The following SCML2 variants were observed in gnomAD, a reference collection of about 807,000 sequenced individuals.
SCML2 encodes Scm polycomb group protein like 2, also known as sex comb on midleg-like protein 2.
In SCML2, 6 loss-of-function variants were observed where a neutral mutation model predicts 48.4. The observed-to-expected ratio is 0.12, with a 90% confidence interval of 0.07 to 0.24. The LOEUF (loss-of-function observed/expected upper bound fraction) is 0.24, where lower values mean the gene tolerates loss of function less well. SCML2 is among the 10% of genes least tolerant of loss of function. SCML2 has a pLI of 1.00. For missense variants in SCML2, 377 were observed against 528.2 expected (o/e 0.71, Z 2.81); for synonymous variants, 181 against 189.5 (o/e 0.95, Z 0.37).
At chrX:18,301,014 A>G (rs891057526) in intron 7 of SCML2, among the ~76,000 whole-genome samples, 2 of 111,811 alleles carry the variant, frequency 1.8e-5, no homozygotes, top group Non-Finnish European at 3.8e-5. Context: ...GAAGTCTGTA[A>G]GGGAAAAAAA....
At chrX:18,268,105 T>C (rs1043027465) in intron 7 of SCML2, among the ~76,000 whole-genome samples, 1 of 112,559 alleles carries the variant, frequency 8.9e-6, no homozygotes, top group Non-Finnish European at 1.9e-5. Flanking sequence ...TTTCCAAGTA[T>C]GTTTCCATGG....
chrX:18,320,610 G>C (rs1929284185), intron 5 of SCML2, among the ~76,000 whole-genome samples, 190 bp from the exon 6 acceptor site: 1 of 111,408 alleles, frequency 9.0e-6, no homozygotes, highest in Non-Finnish European at 1.9e-5. Flanking sequence ...TGTACTGTCT[G>C]GCAACAATGC....
At chrX:18,249,828 A>G (rs1293125130) in intron 11 of SCML2, among the ~76,000 whole-genome samples, 6 of 111,302 alleles carry the variant, frequency 5.4e-5, no homozygotes, top group African/African-American at 2.0e-4. Context: ...CTCTTGGAGC[A>G]CTGAAGTTAT....
chrX:18,291,174 G>T (rs1432280604), intron 7 of SCML2, among the ~76,000 whole-genome samples: 4 of 112,021 alleles, frequency 3.6e-5, no homozygotes, highest in Non-Finnish European at 5.6e-5. Context: ...CAGCACATAT[G>T]TTCCTTTCCT....
chrX:18,250,960 G>A (rs1463836933), intron 11 of SCML2, among the ~76,000 whole-genome samples: 1 of 110,112 alleles, frequency 9.1e-6, no homozygotes, highest in Non-Finnish European at 1.9e-5. Flanking sequence ...AAGGGGGGAA[G>A]CCCCTTATAA....
chrX:18,274,620 T>C (rs1927569029), intron 7 of SCML2, among the ~76,000 whole-genome samples: 1 of 111,995 alleles, frequency 8.9e-6, no homozygotes, highest in African/African-American at 3.2e-5. Context: ...TAAGGCCCTC[T>C]ACTATCTGCC....
chrX:18,254,613 A>T (rs1208844290), intron 11 of SCML2, among the ~76,000 whole-genome samples: 1 of 112,246 alleles, frequency 8.9e-6, no homozygotes, highest in East Asian at 2.8e-4. Flanking sequence ...TGGCATTCTT[A>T]ATGCTTTGTG....
chrX:18,345,250 G>A (rs936369321), intron 1 of SCML2, among the ~76,000 whole-genome samples: 4 of 111,192 alleles, frequency 3.6e-5, no homozygotes, highest in African/African-American at 9.8e-5. Context: ...ATCACATCTC[G>A]TTCTTCTTTA....
At chrX:18,293,380 C>T (rs775313800) in intron 7 of SCML2, among the ~76,000 whole-genome samples, 6 of 111,117 alleles carry the variant, frequency 5.4e-5, no homozygotes, top group Admixed American at 9.6e-5. Flanking sequence ...TTTGGGTGAA[C>T]GCCAACTACA....
intron 11 of SCML2, among the ~76,000 whole-genome samples, chrX:18,250,483 GCCATTCTCCTGCCTCAGCCTC>G (rs1227074137): frequency 2.8e-5 from 3 of 109,026 alleles, no homozygotes; most frequent in Non-Finnish European, 5.7e-5. Context: ...CCGGGTTCAT[GCCATTCTCCTGCCTCAGCCTC>G]CCGAGTAGCT....
chrX:18,306,671 C>G (rs1928768142), intron 6 of SCML2, among the ~76,000 whole-genome samples: 1 of 111,480 alleles, frequency 9.0e-6, no homozygotes, highest in Non-Finnish European at 1.9e-5. Context: ...ATTCTCTCAT[C>G]AATTTAAAAA....
intron 6 of SCML2, among the ~76,000 whole-genome samples, chrX:18,317,452 T>C (rs1428747146): frequency 2.7e-5 from 3 of 111,689 alleles, no homozygotes; most frequent in Non-Finnish European, 3.8e-5. Context: ...TTTCCAAAAC[T>C]GTTAGGAGAA....
intron 11 of SCML2, among the ~76,000 whole-genome samples, chrX:18,256,498 A>G (rs143603184): frequency 2.0e-3 from 218 of 111,492 alleles, no homozygotes; most frequent in Middle Eastern, 4.6e-3. Context: ...AACCTCAATG[A>G]CAACAAAATT....
At chrX:18,278,395 G>A (rs142349597) in intron 7 of SCML2, among the ~76,000 whole-genome samples, 1,851 of 111,569 alleles carry the variant, frequency 0.017, 39 homozygotes, top group African/African-American at 0.057. Context: ...CTCTGGCCAC[G>A]GACCTCTGTG....
chrX:18,301,637 G>GT (rs1261231739), intron 7 of SCML2, among the ~76,000 whole-genome samples: 1 of 110,508 alleles, frequency 9.0e-6, no homozygotes, highest in East Asian at 2.9e-4. Context: ...GCCTGGGATG[G>GT]TAACACGTGC....
At position 18,257,040 on chromosome X, in the gene SCML2, G is replaced by GAA; in HGVS notation, c.1274-12_1274-11dup. On this transcript the variant is annotated splice_polypyrimidine_tract_variant and intron_variant, in intron 10 of 14. Transcript: ENST00000251900. ...TCCCCATCAAAGGAGGCTATTGGGGGAAAAAAAAGGATGTCAGTAACCTCA... is the reference window on the plus strand; with the variant it reads ...TCCCCATCAAAGGAGGCTATTGGGGGAAAAAAAAAAGGATGTCAGTAACCTCA... The GAA allele has an allele frequency of 9.0e-7, 1 of 1,105,194 alleles. No homozygotes were observed. The highest frequency in any genetic ancestry group is 3.0e-5 in the Admixed American group (1 of 33,275). 91.1% of individuals were successfully genotyped at this position (1,105,194 alleles called of 1,213,427 possible). A position where few individuals can be genotyped will look rare whatever the true frequency, so the allele number is the denominator to read the frequency against.
chrX:18,325,918 A>G (rs1441411925), intron 3 of SCML2, among the ~76,000 whole-genome samples: 1 of 112,447 alleles, frequency 8.9e-6, no homozygotes, highest in African/African-American at 3.2e-5. Flanking sequence ...TTCAAAAGAT[A>G]TTATACTTAG....
chrX:18,276,163 T>G (rs1378009774), intron 7 of SCML2, among the ~76,000 whole-genome samples: 1 of 111,049 alleles, frequency 9.0e-6, no homozygotes, highest in Non-Finnish European at 1.9e-5. Context: ...GGCGTGGTGG[T>G]GCACACCTGT....
At position 18,239,493 on chromosome X, in the gene SCML2, T is replaced by A. The variant is rs1441007688; in HGVS notation, c.*1758A>T. ...TAAGGAATAACATAAATGAAGCTATTCTTTAAATAGTTGCATTCATGTCTA... is the reference window on the plus strand; with the variant it reads ...TAAGGAATAACATAAATGAAGCTATACTTTAAATAGTTGCATTCATGTCTA... On this transcript the variant is annotated 3_prime_UTR_variant, in exon 15 of 15. Transcript: ENST00000251900. 8.9e-6 allele frequency: 1 copy of A among 112,655 alleles called. No homozygotes were observed. Among genetic ancestry groups the A allele is most frequent in the Non-Finnish European group, 1.9e-5 (1 of 53,318 alleles). 9.3% of individuals were successfully genotyped at this position (112,655 alleles called of 1,213,427 possible).
Sources: allele counts gnomAD v4.1 joint callset (sites outside exome capture counted in the v4.1 genomes callset), GRCh38; gene constraint gnomAD v4.1.1; transcripts MANE v1.5; gene names NCBI Gene and HGNC (gene_info 2026-07-23, HGNC 2026-07-21).